Variants in PDE10A observed in about 807,000 individuals in gnomAD.
The protein encoded by PDE10A is cAMP and cAMP-inhibited cGMP 3',5'-cyclic phosphodiesterase 10A.
Under a neutral mutation model 97.7 loss-of-function variants are expected in PDE10A, and 39 were observed. That is an observed-to-expected ratio of 0.40 (90% CI 0.31 to 0.52). The LOEUF is 0.52. Ranked by LOEUF, PDE10A falls within the 20% of genes least tolerant of loss-of-function variation. PDE10A has a pLI of 0.56. For missense variants in PDE10A, 731 were observed against 1,047.8 expected, an observed-to-expected ratio of 0.70 and a Z score of 4.17; for synonymous variants, 371 against 376.8, an observed-to-expected ratio of 0.98 and a Z score of 0.18.
intron 1 of PDE10A, among the ~76,000 whole-genome samples, chr6:165,633,794 A>ATT (rs11459316): frequency 0.14 from 21,057 of 146,694 alleles, 1,615 homozygotes; most frequent in Non-Finnish European, 0.17. Context: ...CGCCGGGCTA[A>ATT]TTTTTTTTTT....
intron 1 of PDE10A, among the ~76,000 whole-genome samples, chr6:165,943,210 A>AAG (rs1783606918): frequency 1.1e-5 from 1 of 88,648 alleles, no homozygotes; most frequent in African/African-American, 5.5e-5. Flanking sequence ...AAAGAAAGAA[A>AAG]GAAAGAAAGA....
chr6:165,704,313 G>C (rs920401523), intron 1 of PDE10A, among the ~76,000 whole-genome samples: 11 of 152,158 alleles, frequency 7.2e-5, no homozygotes, highest in African/African-American at 2.7e-4. Context: ...CAAAGGAGGA[G>C]CACGTGGGAC....
At chr6:165,793,482 G>A (rs761207961) in intron 1 of PDE10A, among the ~76,000 whole-genome samples, 1 of 152,100 alleles carries the variant, frequency 6.6e-6, no homozygotes. Flanking sequence ...GAGACCCGGG[G>A]CTGGGGGGCG....
chr6:165,616,924 T>C (rs1411152773), intron 1 of PDE10A, among the ~76,000 whole-genome samples: 1 of 152,222 alleles, frequency 6.6e-6, no homozygotes, highest in Non-Finnish European at 1.5e-5. Flanking sequence ...ATTGTTTAAT[T>C]ACACTGGCAA....
intron 1 of PDE10A, among the ~76,000 whole-genome samples, chr6:165,892,805 A>G (rs973549807): frequency 3.9e-5 from 6 of 152,188 alleles, no homozygotes; most frequent in African/African-American, 1.2e-4. Flanking sequence ...GTCTCCATCA[A>G]GTTAAAAGGG....
At chr6:165,961,798 C>T (rs1027018198) in intron 1 of PDE10A, among the ~76,000 whole-genome samples, 1 of 152,210 alleles carries the variant, frequency 6.6e-6, no homozygotes, top group African/African-American at 2.4e-5. Flanking sequence ...CCCCAGAGCC[C>T]CTTAATGATT....
chr6:165,848,239 C>T (rs532032801), intron 1 of PDE10A, among the ~76,000 whole-genome samples: 5 of 152,248 alleles, frequency 3.3e-5, no homozygotes, highest in South Asian at 4.1e-4. Flanking sequence ...AATTGTTCTG[C>T]GCACTGGGAC....
chr6:165,795,800 A>G (rs1778812094), intron 1 of PDE10A, among the ~76,000 whole-genome samples: 1 of 151,946 alleles, frequency 6.6e-6, no homozygotes, highest in African/African-American at 2.4e-5. Flanking sequence ...GCCTGAGTCT[A>G]ATTTGTTCAT....
chr6:165,880,104 T>C (rs920803226), intron 1 of PDE10A, among the ~76,000 whole-genome samples: 11 of 152,208 alleles, frequency 7.2e-5, no homozygotes, highest in Admixed American at 2.0e-4. Flanking sequence ...CATTTCTTTT[T>C]CTTCATAAGA....
intron 13 of PDE10A, among the ~76,000 whole-genome samples, chr6:165,408,791 T>A (rs978155139): frequency 6.6e-6 from 1 of 152,042 alleles, no homozygotes; most frequent in Middle Eastern, 3.4e-3. Flanking sequence ...TGGACTCAAA[T>A]CTCTTATTCC....
At chr6:165,367,008 G>C (rs1243595676) in intron 18 of PDE10A, among the ~76,000 whole-genome samples, 1 of 152,048 alleles carries the variant, frequency 6.6e-6, no homozygotes, top group Non-Finnish European at 1.5e-5. Flanking sequence ...ACACTGTCTA[G>C]AGTAAAATCA....
intron 1 of PDE10A, among the ~76,000 whole-genome samples, chr6:165,963,682 G>A (rs959593573): frequency 4.6e-5 from 7 of 152,298 alleles, no homozygotes; most frequent in Middle Eastern, 3.4e-3. Flanking sequence ...GCATGGGGGC[G>A]GCCACACCTG....
intron 1 of PDE10A, among the ~76,000 whole-genome samples, chr6:165,682,575 C>T (rs1457770814): frequency 6.6e-6 from 1 of 152,110 alleles, no homozygotes; most frequent in Non-Finnish European, 1.5e-5. Flanking sequence ...GCCCCCTTTG[C>T]CTCTCTGCCA....
chr6:165,783,058 T>C (rs1778388616), intron 1 of PDE10A, among the ~76,000 whole-genome samples: 1 of 152,018 alleles, frequency 6.6e-6, no homozygotes, highest in Admixed American at 6.5e-5. Context: ...ACTCACATAC[T>C]CTGTAGAATT....
chr6:165,645,069 G>A (rs1477471901), intron 1 of PDE10A, among the ~76,000 whole-genome samples: 3 of 152,244 alleles, frequency 2.0e-5, no homozygotes, highest in Admixed American at 1.3e-4. Context: ...TGCCACAGCA[G>A]TGGTGGCCTG....
chr6:165,563,891 A>C (rs1157320383), intron 1 of PDE10A, among the ~76,000 whole-genome samples: 2 of 151,530 alleles, frequency 1.3e-5, no homozygotes, highest in East Asian at 1.9e-4. Context: ...ACTGTCTCAA[A>C]AAAAAAAAAA....
intron 1 of PDE10A, among the ~76,000 whole-genome samples, chr6:165,610,164 T>C (rs961517971): frequency 6.6e-6 from 1 of 152,068 alleles, no homozygotes; most frequent in African/African-American, 2.4e-5. Context: ...AACAGAGACA[T>C]AGACCAATGG....
intron 1 of PDE10A, among the ~76,000 whole-genome samples, chr6:165,843,138 A>G (rs1395790821): frequency 6.6e-6 from 1 of 152,242 alleles, no homozygotes; most frequent in South Asian, 2.1e-4. Context: ...ACTTTGAGCA[A>G]GGGTGAGAAG....
chr6:165,528,665 A>G (rs1782593108), intron 2 of PDE10A, among the ~76,000 whole-genome samples: 1 of 152,190 alleles, frequency 6.6e-6, no homozygotes, highest in Non-Finnish European at 1.5e-5. Context: ...ATCCACCATC[A>G]TGGTAATCCA....
Sources: gnomAD v4.1 joint callset for allele counts (sites outside exome capture counted in the v4.1 genomes callset) on GRCh38, gnomAD v4.1.1 for gene constraint, MANE v1.5 for transcripts, NCBI Gene and HGNC (gene_info 2026-07-23, HGNC 2026-07-21) for gene names.